Variants in MSI2 observed in about 807,000 individuals in gnomAD.
MSI2 encodes the protein RNA-binding protein Musashi homolog 2.
MSI2 carries 17 observed loss-of-function variants against 45.6 expected under a neutral mutation model. The observed-to-expected ratio is 0.37, with a 90% CI of 0.26 to 0.56. MSI2 has a LOEUF of 0.56. Among genes scored for constraint, MSI2 ranks in the 20% least tolerant of loss-of-function variants. The probability of loss-of-function intolerance (pLI) is 0.77; values close to 1 mark genes in which losing one functional copy is unlikely to be tolerated. For missense variants in MSI2, 293 were observed against 444.2 expected (o/e 0.66, Z 3.06); for synonymous variants, 156 against 158.2 (o/e 0.99, Z 0.11).
chr17:57,537,911 G>A lies in MSI2; in HGVS notation c.454+8187G>A, dbSNP rs182596882. Among the ~76,000 whole-genome samples the A allele has an allele frequency of 1.5e-3, 221 of 152,274 alleles. 1 individual carries two copies. In the Middle Eastern group the frequency reaches 0.037, roughly 26 times the overall value. On this transcript the variant is annotated intron_variant, in intron 7 of 13. Transcript: ENST00000284073. ...TACAAATCTTAAACTTCTTTCCTTT[G>A]GAATAAAAGCCCTGGCACCAAAAGG...
At chr17:57,307,788 C>A (rs2143582656) in intron 5 of MSI2, among the ~76,000 whole-genome samples, 1 of 152,312 alleles carries the variant, frequency 6.6e-6, no homozygotes, top group Middle Eastern at 3.4e-3. Flanking sequence ...AAAGCCAATT[C>A]CTTAAGATAA....
At chr17:57,655,489 C>T (rs1008400203) in intron 11 of MSI2, among the ~76,000 whole-genome samples, 7 of 152,114 alleles carry the variant, frequency 4.6e-5, no homozygotes, top group Non-Finnish European at 2.9e-5. Context: ...GGTACCACCC[C>T]GTCCCACCTC....
intron 8 of MSI2, among the ~76,000 whole-genome samples, chr17:57,603,370 C>A (rs1025040622): frequency 2.0e-5 from 3 of 152,222 alleles, no homozygotes; most frequent in Non-Finnish European, 4.4e-5. Flanking sequence ...ACCAAGAGAG[C>A]CTTGGAACCT....
intron 6 of MSI2, among the ~76,000 whole-genome samples, chr17:57,425,073 A>G: frequency 6.6e-6 from 1 of 152,176 alleles, no homozygotes; most frequent in Non-Finnish European, 1.5e-5. Flanking sequence ...ATCATGGGCT[A>G]TAAAAGCCTT....
chr17:57,317,039 G>A (rs1480263246), intron 5 of MSI2, among the ~76,000 whole-genome samples: 1 of 152,064 alleles, frequency 6.6e-6, no homozygotes, highest in Non-Finnish European at 1.5e-5. Flanking sequence ...TTGTGGAGGT[G>A]GGCTGTGTTT....
Position 57,261,058 on chromosome 17 carries a change from C to T in MSI2, c.271-1093C>T, listed in dbSNP as rs535969421. ...TTATACTATCTGTGTTACATTTTTA[C>T]CCAAAGATTTGTGACATTTAGAAAT... On this transcript the variant is annotated intron_variant, in intron 4 of 13. Coordinates refer to ENST00000284073, the MANE Select transcript of MSI2 (RefSeq NM_138962.4). Among the ~76,000 whole-genome samples, 5 of 152,328 alleles carry T rather than the reference C, an allele frequency of 3.3e-5. No individual in the cohort carries two copies. The South Asian group carries it at 1.0e-3, about 32-fold the overall frequency.
At chr17:57,636,632 G>A (rs1281315478) in intron 10 of MSI2, among the ~76,000 whole-genome samples, 3 of 152,244 alleles carry the variant, frequency 2.0e-5, no homozygotes, top group East Asian at 3.9e-4. Context: ...TCTTGTCTGC[G>A]GAGGCGATTC....
rs145999502 is a variant in MSI2 at position 57,615,993 on chromosome 17, G to A, written c.561G>A (p.Pro187=). The A allele has an allele frequency of 9.6e-5, 155 of 1,614,092 alleles. No individual in the cohort carries two copies. The African/African-American group carries it at 1.4e-3, about 15-fold the overall frequency. ...AGGTAGAATGTAAGAAAGCTCAGCC[G>A]AAAGAAGTCATGTTCCCACCTGGGA... ...NKMVECKKAQ[P]KEVMFPPGTR... The change falls in exon 9 of 14, where the codon CCG becomes CCA. Residue 187 remains proline, a synonymous_variant. Transcript: ENST00000284073.
chr17:57,307,416 G>T (rs1912012189), intron 5 of MSI2, among the ~76,000 whole-genome samples: 1 of 151,990 alleles, frequency 6.6e-6, no homozygotes, highest in African/African-American at 2.4e-5. Flanking sequence ...CTGTTGGCCT[G>T]CCCTAGGATT....
chr17:57,544,146 G>T (rs963837085), intron 7 of MSI2, among the ~76,000 whole-genome samples: 1 of 152,056 alleles, frequency 6.6e-6, no homozygotes, highest in Non-Finnish European at 1.5e-5. Flanking sequence ...TAGGTAGGAG[G>T]GTGCAAGGCA....
intron 7 of MSI2, among the ~76,000 whole-genome samples, chr17:57,535,375 G>A (rs2086899812): frequency 6.6e-6 from 1 of 152,216 alleles, no homozygotes; most frequent in South Asian, 2.1e-4. Flanking sequence ...GAGGTGAGGA[G>A]TCTCTGAAGC....
chr17:57,495,867 T>C (rs999630), intron 6 of MSI2, among the ~76,000 whole-genome samples: 63,980 of 152,156 alleles, frequency 0.42, 15,462 homozygotes, highest in African/African-American at 0.67. Context: ...TTTTTGTATG[T>C]GGGAACGCAG....
intron 6 of MSI2, among the ~76,000 whole-genome samples, chr17:57,455,493 C>T (rs774531844): frequency 2.0e-5 from 3 of 152,152 alleles, no homozygotes; most frequent in South Asian, 2.1e-4. Flanking sequence ...CCTTGTCCAC[C>T]GCTGGTTCCT....
chr17:57,666,823 T>C (rs57969819), intron 11 of MSI2, among the ~76,000 whole-genome samples: 1,801 of 147,990 alleles, frequency 0.012, 35 homozygotes, highest in African/African-American at 0.044. Flanking sequence ...GCTGGCGACA[T>C]GTGGGGAAAA....
intron 5 of MSI2, among the ~76,000 whole-genome samples, chr17:57,345,459 A>G (rs1915523042): frequency 2.0e-5 from 3 of 152,178 alleles, no homozygotes; most frequent in South Asian, 2.1e-4. Context: ...AGATATATGT[A>G]TATTTTCTTA....
intron 5 of MSI2, chr17:57,294,676 C>G (rs528374615): frequency 1.3e-5 from 2 of 152,352 alleles, no homozygotes; most frequent in African/African-American, 4.8e-5. Flanking sequence ...ACCCATCCTA[C>G]AACAGCCACA....
intron 5 of MSI2, among the ~76,000 whole-genome samples, chr17:57,292,765 C>T (rs1020984551): frequency 2.0e-5 from 3 of 152,102 alleles, no homozygotes; most frequent in Non-Finnish European, 2.9e-5. Context: ...CTTTCTGGGG[C>T]CAGCACGGTT....
At chr17:57,533,886 A>G (rs1363855942) in intron 7 of MSI2, among the ~76,000 whole-genome samples, 2 of 152,190 alleles carry the variant, frequency 1.3e-5, no homozygotes, top group Non-Finnish European at 2.9e-5. Context: ...GCTGGGGACT[A>G]TCTTCCAGCA....
intron 6 of MSI2, among the ~76,000 whole-genome samples, chr17:57,517,485 G>A (rs2086493795): frequency 6.6e-6 from 1 of 152,202 alleles, no homozygotes; most frequent in Non-Finnish European, 1.5e-5. Flanking sequence ...TGTCCGAGAG[G>A]GCGGGGCAGA....
Sources: gnomAD v4.1 joint callset for allele counts (sites outside exome capture counted in the v4.1 genomes callset) on GRCh38, gnomAD v4.1.1 for gene constraint, MANE v1.5 for transcripts, NCBI Gene and HGNC (gene_info 2026-07-23, HGNC 2026-07-21) for gene names.